The following ACSL3 variants were observed in gnomAD, a reference collection of about 807,000 sequenced individuals.
ACSL3 encodes fatty acid CoA ligase Acsl3.
In ACSL3, 34 loss-of-function variants were observed where a neutral mutation model predicts 84.7. The observed-to-expected ratio is 0.40, with a 90% CI of 0.31 to 0.53. ACSL3 has a LOEUF of 0.53. ACSL3 is among the 20% of genes least tolerant of loss of function. ACSL3 has a pLI of 0.48. For synonymous variants in ACSL3, 315 were observed against 299.4 expected, an observed-to-expected ratio of 1.05 and a Z score of -0.54; for missense variants, 680 against 873.1, an observed-to-expected ratio of 0.78 and a Z score of 2.79.
chr2:222,866,984 AC>A (rs1451440098), intron 1 of ACSL3, among the ~76,000 whole-genome samples: 2 of 151,622 alleles, frequency 1.3e-5, no homozygotes, highest in Non-Finnish European at 2.9e-5. Context: ...ACAAGTACCC[AC>A]CACCACACTC....
chr2:222,916,850 C>T (rs141819402), intron 5 of ACSL3, among the ~76,000 whole-genome samples: 2,678 of 152,074 alleles, frequency 0.018, 25 homozygotes, highest in Non-Finnish European at 0.027. Context: ...AGTTGACCTC[C>T]GAAACACTTC....
At chr2:222,922,885 G>A (rs991784665) in intron 9 of ACSL3, 54 bp downstream of exon 9, 1 of 1,606,370 alleles carries the variant, frequency 6.2e-7, no homozygotes, top group East Asian at 2.2e-5. Flanking sequence ...GAATTGTAAT[G>A]CATTTTTTTC....
intron 1 of ACSL3, among the ~76,000 whole-genome samples, chr2:222,864,097 G>C (rs1006501692): frequency 6.6e-6 from 1 of 152,158 alleles, no homozygotes; most frequent in Non-Finnish European, 1.5e-5. Flanking sequence ...ATAGTAAATG[G>C]AGTGGGAGAA....
Position 222,932,670 on chromosome 2 carries a change from G to A in ACSL3, c.1733-496G>A, listed in dbSNP as rs1281379611. Among the ~76,000 whole-genome samples, 2 of 4,680 alleles carry A rather than the reference G, an allele frequency of 4.3e-4. 1 individual carries two copies. The highest frequency in any genetic ancestry group is 5.9e-4 in the Non-Finnish European group (2 of 3,376). The allele number at this position is 4,680 out of a possible 152,430, so 3.1% of individuals were successfully genotyped here. A position where few individuals can be genotyped will look rare whatever the true frequency, so the allele number is the denominator to read the frequency against. On this transcript the variant is annotated intron_variant, in intron 14 of 16. Coordinates refer to ENST00000357430, the MANE Select transcript of ACSL3 (RefSeq NM_004457.5). ...GCATGGGCCGGGCGCGGTGGCTCAC[G>A]CCTGTAATCCCAGCACTTTGGGAGG...
intron 16 of ACSL3, among the ~76,000 whole-genome samples, chr2:222,939,394 CT>C (rs1319026748): frequency 6.6e-6 from 1 of 152,122 alleles, no homozygotes; most frequent in Non-Finnish European, 1.5e-5. Context: ...GGAGCTCCCT[CT>C]GGTGTCTGTC....
intron 3 of ACSL3, among the ~76,000 whole-genome samples, chr2:222,907,325 C>T (rs1436972694): frequency 6.6e-6 from 1 of 152,174 alleles, no homozygotes; most frequent in African/African-American, 2.4e-5. Context: ...CTACACTTGC[C>T]TGGAATAGAA....
intron 14 of ACSL3, 99 bp from the exon 15 acceptor site, chr2:222,933,067 G>A: frequency 1.5e-6 from 1 of 647,926 alleles, no homozygotes; most frequent in South Asian, 2.7e-5. Flanking sequence ...TAATTTGATA[G>A]CAAATTACTT....
chr2:222,863,642 C>T (rs997283893), intron 1 of ACSL3, among the ~76,000 whole-genome samples: 1 of 152,082 alleles, frequency 6.6e-6, no homozygotes, highest in Non-Finnish European at 1.5e-5. Context: ...GGGTGATAGG[C>T]TTTTAAAACA....
chr2:222,935,412 T>C (rs1697146202), intron 16 of ACSL3, among the ~76,000 whole-genome samples: 1 of 152,176 alleles, frequency 6.6e-6, no homozygotes, highest in South Asian at 2.1e-4. Flanking sequence ...CTCACTATGT[T>C]GGCCAGGCCA....
chr2:222,908,148 CA>C (rs1342568669), intron 3 of ACSL3, among the ~76,000 whole-genome samples: 1 of 152,166 alleles, frequency 6.6e-6, no homozygotes, highest in Non-Finnish European at 1.5e-5. Flanking sequence ...CTGATGAATG[CA>C]AAGTACAGAA....
At chr2:222,922,576 C>T (rs1696769753) in intron 8 of ACSL3, 132 bp from the exon 9 acceptor site, 1 of 1,086,942 alleles carries the variant, frequency 9.2e-7, no homozygotes. Context: ...CTCTCACAAA[C>T]ACATACACAC....
chr2:222,933,438 CTT>C (rs1424903398), intron 15 of ACSL3, 158 bp downstream of exon 15: 16 of 538,502 alleles, frequency 3.0e-5, no homozygotes, highest in Non-Finnish European at 3.9e-5. Flanking sequence ...TTAGCTGACT[CTT>C]TTCCTTGTAA....
chr2:222,875,582 T>C (rs759217999), intron 1 of ACSL3, among the ~76,000 whole-genome samples: 1 of 152,256 alleles, frequency 6.6e-6, no homozygotes, highest in African/African-American at 2.4e-5. Flanking sequence ...TTAACTTTCA[T>C]ATGGCAATTT....
chr2:222,869,907 C>T lies in ACSL3; in HGVS notation c.-207+8649C>T, dbSNP rs148522126. Reference sequence around the variant, plus strand: ...AACCTCTTTATTTATTGATTAAACTCTGAAAGTAGTTGTTGAATGAATTAA... The same window carrying T: ...AACCTCTTTATTTATTGATTAAACTTTGAAAGTAGTTGTTGAATGAATTAA... On this transcript the variant is annotated intron_variant, in intron 1 of 16. Transcript: ENST00000357430. Among the ~76,000 whole-genome samples the T allele has an allele frequency of 1.7e-4, 26 of 152,258 alleles. No individual in the cohort carries two copies. In the East Asian group the frequency reaches 3.9e-3, roughly 23 times the overall value.
rs1175462532 is a variant in ACSL3, at chr2:222,927,011, C to T, written c.1293-6C>T. ...AATCCTGTGGTTCTCTAATTTTTTT[C>T]TTTAGCTTTGTTTTCCGGAAAGTTC... is the stretch of plus-strand genomic sequence containing the variant. On this transcript the variant is annotated splice_region_variant and splice_polypyrimidine_tract_variant and intron_variant, in intron 11 of 16. Transcript: ENST00000357430. 2.5e-6 allele frequency: 4 copies of T among 1,605,932 alleles called. No homozygotes were observed. The highest frequency in any genetic ancestry group is 1.7e-5 in the Admixed American group (1 of 58,962).
At chr2:222,881,321 T>C (rs776636102) in intron 1 of ACSL3, among the ~76,000 whole-genome samples, 9 of 152,370 alleles carry the variant, frequency 5.9e-5, no homozygotes, top group Non-Finnish European at 1.0e-4. Context: ...GGTTACCGCA[T>C]TGGACAGCAT....
At position 222,909,116 on chromosome 2, in the gene ACSL3, A is replaced by C. The variant is rs775802160; in HGVS notation, c.344A>C (p.Asp115Ala). The change falls in exon 4 of 17, where the codon GAT becomes GCT. Residue 115 changes from aspartate (D) to alanine (A), a missense_variant. This residue lies in a region of ACSL3 where 333 missense variants were observed against 347.5 expected (regional missense o/e 0.96). Transcript: ENST00000357430. ...LGTREVLNEE[D>A]EVQPNGKIFK... ...ACACGTGAAGTTTTAAATGAGGAAG[A>C]TGAAGTACAACCAAATGGAAAAATT... The C allele has an allele frequency of 5.0e-6, 8 of 1,601,828 alleles. No homozygotes were observed. Among genetic ancestry groups the C allele is most frequent in the Non-Finnish European group, 4.2e-6 (5 of 1,177,350 alleles).
At chr2:222,928,601 C>T (rs556111052) in intron 12 of ACSL3, among the ~76,000 whole-genome samples, 167 of 151,270 alleles carry the variant, frequency 1.1e-3, no homozygotes, top group African/African-American at 3.9e-3. Context: ...CTGGCGATTC[C>T]ACACTTACAT....
intron 3 of ACSL3, among the ~76,000 whole-genome samples, chr2:222,902,757 G>A (rs1394916492): frequency 6.6e-6 from 1 of 152,226 alleles, no homozygotes; most frequent in African/African-American, 2.4e-5. Flanking sequence ...CACCACACAG[G>A]AGCTGAAGAG....
Sources: gnomAD v4.1 joint callset for allele counts (sites outside exome capture counted in the v4.1 genomes callset) on GRCh38, gnomAD v4.1.1 for gene constraint, gnomAD v4.1.1 regional missense constraint, MANE v1.5 for transcripts, NCBI Gene and HGNC (gene_info 2026-07-23, HGNC 2026-07-21) for gene names.